EPDR1: variants seen among roughly 807,000 people sequenced by gnomAD.
The protein encoded by EPDR1 is mammalian ependymin-related protein 1.
EPDR1 carries 27 observed loss-of-function variants against 23.7 expected under a neutral mutation model. The ratio of observed to expected loss-of-function variants is 1.14; its 90% CI spans 0.84 to 1.57. The LOEUF is 1.57. Ranked by LOEUF, EPDR1 falls within the 40% of genes most tolerant of loss-of-function variation. The pLI is 0.00. For missense variants in EPDR1, 349 were observed against 290.4 expected (o/e 1.20, Z -1.47); for synonymous variants, 137 against 118.2 (o/e 1.16, Z -1.03).
chr7:37,925,301 C>T (rs1349394), intron 1 of EPDR1, among the ~76,000 whole-genome samples: 39,566 of 152,090 alleles, frequency 0.26, 6,258 homozygotes, highest in Non-Finnish European at 0.36. Flanking sequence ...AAAATGGTGG[C>T]TTGGGTGTTG....
intron 1 of EPDR1, among the ~76,000 whole-genome samples, chr7:37,928,830 A>G (rs1466668954): frequency 6.6e-6 from 1 of 151,998 alleles, no homozygotes; most frequent in East Asian, 1.9e-4. Flanking sequence ...GAATCTGACC[A>G]TACCTCTACT....
chr7:37,943,955 T>C (rs760456583), intron 1 of EPDR1, among the ~76,000 whole-genome samples: 3 of 152,206 alleles, frequency 2.0e-5, no homozygotes, highest in Non-Finnish European at 4.4e-5. Flanking sequence ...TCTGTGGCCC[T>C]TGATGCCACA....
rs907815064 is a variant in EPDR1, at chr7:37,950,661, G to A, written c.*265G>A. 9.2e-6 allele frequency: 4 copies of A among 434,952 alleles called. No individual in the cohort carries two copies. In the Admixed American group the frequency reaches 1.1e-4, roughly 12 times the overall value. 26.9% of individuals were successfully genotyped at this position (434,952 alleles called of 1,614,324 possible). ...TTGGGTATTTCTAATGCCTGTTCAGGGCTGGTTTTCTGCATGCACGGGTAT... is the reference window on the plus strand; with the variant it reads ...TTGGGTATTTCTAATGCCTGTTCAGAGCTGGTTTTCTGCATGCACGGGTAT... On this transcript the variant is annotated 3_prime_UTR_variant, in exon 3 of 3. Transcript: ENST00000199448.
At chr7:37,927,724 A>G (rs186484070) in intron 1 of EPDR1, among the ~76,000 whole-genome samples, 3 of 152,320 alleles carry the variant, frequency 2.0e-5, no homozygotes, top group South Asian at 4.1e-4. Flanking sequence ...TTGATCATGA[A>G]TCTTGTCTTG....
chr7:37,934,566 G>C (rs1448394517), intron 1 of EPDR1, among the ~76,000 whole-genome samples: 2 of 151,968 alleles, frequency 1.3e-5, no homozygotes, highest in Non-Finnish European at 2.9e-5. Context: ...GGGAGACTAA[G>C]AATATGAGTA....
At chr7:37,949,825 A>G (rs1786359245) in intron 2 of EPDR1, among the ~76,000 whole-genome samples, 1 of 152,240 alleles carries the variant, frequency 6.6e-6, no homozygotes, top group Admixed American at 6.5e-5. Context: ...GCCTGAGTAA[A>G]CCTTGAGGAC....
intron 1 of EPDR1, 164 bp downstream of exon 1, chr7:37,921,372 C>T (rs761719322): frequency 6.1e-5 from 86 of 1,403,598 alleles, no homozygotes; most frequent in Admixed American, 2.3e-4. Context: ...TAGCATGGTC[C>T]GGGACTGGGA....
intron 1 of EPDR1, among the ~76,000 whole-genome samples, chr7:37,935,982 G>A (rs1786036727): frequency 5.2e-5 from 4 of 77,062 alleles, no homozygotes; most frequent in Admixed American, 4.8e-4. Context: ...TTGGGAACTA[G>A]CAAATCATGG....
intron 1 of EPDR1, among the ~76,000 whole-genome samples, chr7:37,946,306 C>T (rs1240232800): frequency 1.3e-5 from 2 of 152,196 alleles, no homozygotes; most frequent in South Asian, 2.1e-4. Flanking sequence ...GGAATTGCCA[C>T]GCTGTCTTCC....
In EPDR1 at chr7:37,921,226, G is replaced by C. The variant is rs1430217322; in HGVS notation, c.269+18G>C. 1 of 1,572,432 alleles carries C rather than the reference G, an allele frequency of 6.4e-7. No individual in the cohort carries two copies. The highest frequency in any genetic ancestry group is 2.3e-5 in the East Asian group (1 of 42,988). On this transcript the variant is annotated intron_variant, in intron 1 of 2. Coordinates refer to ENST00000199448, the MANE Select transcript of EPDR1 (RefSeq NM_017549.5). The stretch of plus-strand genomic sequence containing the variant: ...TGCAAGAGGTACAGGTCATCGGCCC[G>C]CGGGGCGGGAGTAGGGAGCCGCGCG...
At chr7:37,944,250 T>C (rs1295896780) in intron 1 of EPDR1, among the ~76,000 whole-genome samples, 1 of 152,176 alleles carries the variant, frequency 6.6e-6, no homozygotes, top group Non-Finnish European at 1.5e-5. Context: ...TTAATCCTAT[T>C]CCATTTGCGT....
chr7:37,949,102 G>T, intron 2 of EPDR1, 54 bp downstream of exon 2: 2 of 1,547,410 alleles, frequency 1.3e-6, no homozygotes, highest in East Asian at 2.3e-5. Context: ...TGGGGAAAAA[G>T]GTTTAAGTCC....
intron 1 of EPDR1, among the ~76,000 whole-genome samples, chr7:37,936,255 G>A (rs79056613): frequency 0.024 from 3,593 of 151,690 alleles, 152 homozygotes; most frequent in East Asian, 0.19. Context: ...TGTGATTATA[G>A]CCTTAGTCTG....
chr7:37,929,700 T>C (rs896830407), intron 1 of EPDR1, among the ~76,000 whole-genome samples: 3 of 152,210 alleles, frequency 2.0e-5, no homozygotes, highest in Non-Finnish European at 4.4e-5. Context: ...TAAGAATGAT[T>C]TTTGACATCG....
At chr7:37,926,538 G>C (rs945584675) in intron 1 of EPDR1, 18 of 244,156 alleles carry the variant, frequency 7.4e-5, no homozygotes, top group African/African-American at 4.0e-4. Flanking sequence ...TGGTGTCTCT[G>C]TGGTCTCTTT....
intron 1 of EPDR1, chr7:37,926,635 T>G (rs1315443892): frequency 2.2e-6 from 1 of 451,644 alleles, no homozygotes; most frequent in South Asian, 1.6e-5. Flanking sequence ...TTCCTTGATT[T>G]GGGTTTGTCT....
In EPDR1 at chr7:37,920,907, G is replaced by T. The variant is rs1368096933; in HGVS notation, c.-33G>T. The stretch of plus-strand genomic sequence containing the variant: ...ACGCCTCAGCGCCCCCTTGGGCTTG[G>T]GCTTGCCCTCGGGCCGGGGAAGGCT... On this transcript the variant is annotated 5_prime_UTR_variant, in exon 1 of 3. Coordinates refer to ENST00000199448, the MANE Select transcript of EPDR1 (RefSeq NM_017549.5). 6.2e-7 allele frequency: 1 copy of T among 1,611,186 alleles called. No homozygotes were observed. The highest frequency in any genetic ancestry group is 2.2e-5 in the East Asian group (1 of 44,860).
intron 2 of EPDR1, among the ~76,000 whole-genome samples, 157 bp from the exon 3 acceptor site, chr7:37,950,043 C>G (rs1786365639): frequency 6.6e-6 from 1 of 152,096 alleles, no homozygotes; most frequent in Non-Finnish European, 1.5e-5. Context: ...ATGGATGGTG[C>G]TGATGGTCAA....
At chr7:37,926,708 C>G (rs1252760985) in intron 1 of EPDR1, 6 of 454,742 alleles carry the variant, frequency 1.3e-5, no homozygotes, top group South Asian at 9.3e-5. Context: ...GGATAATACT[C>G]TGTTCCAATT....
Sources: gnomAD v4.1 joint callset for allele counts (sites outside exome capture counted in the v4.1 genomes callset) on GRCh38, gnomAD v4.1.1 for gene constraint, MANE v1.5 for transcripts, NCBI Gene and HGNC (gene_info 2026-07-23, HGNC 2026-07-21) for gene names.